Variants in KLRG1 observed in about 807,000 individuals in gnomAD.
The protein encoded by KLRG1 is killer cell lectin-like receptor subfamily G member 1.
In KLRG1, 16 loss-of-function variants were observed where a neutral mutation model predicts 21.8. That is an observed-to-expected ratio of 0.73 (90% confidence interval 0.50 to 1.11). The LOEUF (loss-of-function observed/expected upper bound fraction) is 1.11, where lower values mean the gene tolerates loss of function less well. KLRG1 is among the 50% of genes most tolerant of loss of function. The pLI, the probability that KLRG1 is intolerant of heterozygous loss-of-function variation, is 0.00. For synonymous variants in KLRG1, 69 were observed against 75.9 expected (o/e 0.91, Z 0.47); for missense variants, 173 against 218.3 (o/e 0.79, Z 1.31).
the KLRG1 span, among the ~76,000 whole-genome samples, chr12:9,059,996 C>CTTTCT: frequency 6.4e-3 from 484 of 75,568 alleles, 27 homozygotes; most frequent in African/African-American, 0.011. Flanking sequence ...GCCCTGGCAT[C>CTTTCT]TTTTTTTTTT....
the KLRG1 span, chr12:9,106,655 A>G: frequency 1.1e-6 from 1 of 939,126 alleles, no homozygotes; most frequent in Non-Finnish European, 1.7e-6. Flanking sequence ...ATTATACTAA[A>G]TAGATCAGTG....
At chr12:9,061,281 T>A in the KLRG1 span, among the ~76,000 whole-genome samples, 3 of 152,090 alleles carry the variant, frequency 2.0e-5, no homozygotes, top group African/African-American at 7.2e-5. Flanking sequence ...AAAAATAGAA[T>A]TAATTTTTTT....
At chr12:9,113,659 A>G in the KLRG1 span, 1 of 1,040,298 alleles carries the variant, frequency 9.6e-7, no homozygotes, top group South Asian at 1.7e-5. Context: ...GAGAAGATGT[A>G]CTGATGAGCA....
At chr12:9,124,078 T>C in the KLRG1 span, among the ~76,000 whole-genome samples, 2 of 152,182 alleles carry the variant, frequency 1.3e-5, no homozygotes, top group African/African-American at 4.8e-5. Context: ...GAAAATAAAA[T>C]ATAAAAGCTG....
the KLRG1 span, among the ~76,000 whole-genome samples, chr12:9,040,802 C>A: frequency 6.6e-6 from 1 of 152,168 alleles, no homozygotes; most frequent in Non-Finnish European, 1.5e-5. Context: ...TTTCAAACAA[C>A]AACTAGAATT....
chr12:9,058,850 C>T, the KLRG1 span: 1 of 152,832 alleles, frequency 6.5e-6, no homozygotes, highest in Non-Finnish European at 1.5e-5. Context: ...GCACTTCTGT[C>T]CTGCTCACGT....
the KLRG1 span, among the ~76,000 whole-genome samples, chr12:9,140,239 G>T: frequency 5.3e-5 from 8 of 152,232 alleles, no homozygotes; most frequent in African/African-American, 1.9e-4. Context: ...GGCAGGGTAA[G>T]AACATTAGTC....
chr12:9,111,962 G>T, the KLRG1 span: 1 of 747,472 alleles, frequency 1.3e-6, no homozygotes, highest in South Asian at 1.4e-5. Flanking sequence ...CTGAGTACCA[G>T]CACCAAGACA....
intron 1 of KLRG1, among the ~76,000 whole-genome samples, chr12:8,961,002 C>T (rs1393185662): frequency 5.3e-5 from 8 of 152,136 alleles, no homozygotes; most frequent in Non-Finnish European, 1.0e-4. Context: ...CTCCTTTAAT[C>T]CCTGTACCAA....
chr12:9,160,407 A>G, the KLRG1 span: 1 of 1,614,084 alleles, frequency 6.2e-7, no homozygotes, highest in Non-Finnish European at 8.5e-7. Context: ...TTAGGAGCAA[A>G]TAGGACCATG....
the KLRG1 span, among the ~76,000 whole-genome samples, chr12:9,213,768 C>T: frequency 6.6e-6 from 1 of 151,896 alleles, no homozygotes; most frequent in South Asian, 2.1e-4. Flanking sequence ...AATATTTACT[C>T]CTGTTCTGTG....
the KLRG1 span, chr12:9,128,593 C>G: frequency 1.3e-5 from 2 of 152,242 alleles, no homozygotes; most frequent in African/African-American, 4.8e-5. Flanking sequence ...GCATCCTGCT[C>G]GAGCGCCAGA....
chr12:9,085,900 A>G, the KLRG1 span, among the ~76,000 whole-genome samples: 153 of 152,348 alleles, frequency 1.0e-3, no homozygotes, highest in African/African-American at 3.0e-3. Flanking sequence ...TCTAGAAGAA[A>G]TGAATGCATT....
chr12:9,165,423 A>C, the KLRG1 span: 1,250 of 1,581,164 alleles, frequency 7.9e-4, no homozygotes, highest in Non-Finnish European at 9.9e-4. Flanking sequence ...ACCTTTTCTC[A>C]AGTGAGAATT....
At chr12:9,001,446 G>C (rs1947304294) in intron 3 of KLRG1, among the ~76,000 whole-genome samples, 1 of 152,080 alleles carries the variant, frequency 6.6e-6, no homozygotes, top group African/African-American at 2.4e-5. Flanking sequence ...TCCCCTGCAG[G>C]CTCTACCCAA....
chr12:9,048,486 C>T, the KLRG1 span, among the ~76,000 whole-genome samples: 12,507 of 152,050 alleles, frequency 0.082, 814 homozygotes, highest in African/African-American at 0.18. Flanking sequence ...AAACCAAACC[C>T]AACAATGTGT....
chr12:9,084,852 T>C, the KLRG1 span, among the ~76,000 whole-genome samples: 1 of 152,022 alleles, frequency 6.6e-6, no homozygotes, highest in African/African-American at 2.4e-5. Context: ...TCTAGGTAAA[T>C]GGGGACTAAA....
At chr12:8,972,878 C>T (rs1193281482) in intron 1 of KLRG1, among the ~76,000 whole-genome samples, 1 of 152,104 alleles carries the variant, frequency 6.6e-6, no homozygotes, top group Non-Finnish European at 1.5e-5. Context: ...CAGTGGCTCA[C>T]ACCTGTAATC....
chr12:9,197,851 TATTA>T, the KLRG1 span, among the ~76,000 whole-genome samples: 5 of 116,466 alleles, frequency 4.3e-5, no homozygotes, highest in Non-Finnish European at 1.6e-5. Flanking sequence ...TAATATATAA[TATTA>T]ATTATATATA....
Sources: gnomAD v4.1 joint callset for allele counts (sites outside exome capture counted in the v4.1 genomes callset) on GRCh38, gnomAD v4.1.1 for gene constraint, MANE v1.5 for transcripts, NCBI Gene and HGNC (gene_info 2026-07-23, HGNC 2026-07-21) for gene names.